Variants in NCALD observed in about 807,000 individuals in gnomAD.
The protein encoded by NCALD is neurocalcin delta, also known as neurocalcin-delta.
A neutral mutation model predicts 18.6 loss-of-function variants in NCALD; 10 were observed. The ratio of observed to expected loss-of-function variants is 0.54; its 90% CI spans 0.33 to 0.91. The LOEUF (loss-of-function observed/expected upper bound fraction) is 0.91, where lower values mean the gene tolerates loss of function less well. Among genes scored for constraint, NCALD ranks in the 40% least tolerant of loss-of-function variants. NCALD has a pLI of 0.03. For missense variants in NCALD, 184 were observed against 247.6 expected (o/e 0.74, Z 1.72); for synonymous variants, 88 against 87.4 (o/e 1.01, Z -0.04).
intron 1 of NCALD, among the ~76,000 whole-genome samples, chr8:101,771,422 A>C (rs548785678): frequency 6.6e-6 from 1 of 152,356 alleles, no homozygotes; most frequent in African/African-American, 2.4e-5. Context: ...TAAAACAGTC[A>C]AGGAAAATAG....
intron 4 of NCALD, among the ~76,000 whole-genome samples, chr8:101,825,004 T>C (rs1813873819): frequency 6.6e-6 from 1 of 152,212 alleles, no homozygotes; most frequent in African/African-American, 2.4e-5. Flanking sequence ...ATAGGCATCA[T>C]TTTGTTTCCC....
chr8:102,073,369 C>T (rs929360706), intron 1 of NCALD, among the ~76,000 whole-genome samples: 3 of 152,062 alleles, frequency 2.0e-5, no homozygotes, highest in African/African-American at 7.2e-5. Context: ...TAAAAGAAAG[C>T]TCACAATAAA....
At chr8:102,117,147 G>C (rs1420771881) in intron 1 of NCALD, among the ~76,000 whole-genome samples, 1 of 152,228 alleles carries the variant, frequency 6.6e-6, no homozygotes, top group Non-Finnish European at 1.5e-5. Flanking sequence ...GGAGCCGTGA[G>C]AGGATAAATA....
intron 1 of NCALD, among the ~76,000 whole-genome samples, chr8:102,052,631 A>G (rs752000086): frequency 1.3e-5 from 2 of 152,250 alleles, no homozygotes; most frequent in Non-Finnish European, 2.9e-5. Flanking sequence ...AAAATGGACA[A>G]AGCTGAATCT....
chr8:101,934,847 A>T (rs1028283066), intron 2 of NCALD, among the ~76,000 whole-genome samples: 2 of 152,146 alleles, frequency 1.3e-5, no homozygotes, highest in African/African-American at 2.4e-5. Context: ...CACTAAAAAG[A>T]AGAGATAAGA....
chr8:101,756,442 C>CTG (rs1360995556), intron 1 of NCALD, among the ~76,000 whole-genome samples: 1 of 152,206 alleles, frequency 6.6e-6, no homozygotes, highest in African/African-American at 2.4e-5. Context: ...GAGTATCAGA[C>CTG]TGTACCTGGC....
At chr8:101,861,386 C>T (rs1324650125) in intron 4 of NCALD, among the ~76,000 whole-genome samples, 2 of 151,946 alleles carry the variant, frequency 1.3e-5, no homozygotes, top group Non-Finnish European at 2.9e-5. Flanking sequence ...GGAGAGACCG[C>T]TGTGGCTCTA....
intron 4 of NCALD, among the ~76,000 whole-genome samples, chr8:101,824,159 C>T (rs1246733325): frequency 6.6e-6 from 1 of 152,196 alleles, no homozygotes; most frequent in Non-Finnish European, 1.5e-5. Context: ...TAACTTCCAT[C>T]CTGGCCCAGT....
chr8:101,949,081 T>C (rs1455748764), intron 2 of NCALD, among the ~76,000 whole-genome samples: 3 of 152,222 alleles, frequency 2.0e-5, no homozygotes, highest in African/African-American at 2.4e-5. Flanking sequence ...AAAAAGTGCA[T>C]AAAAATGAAC....
intron 1 of NCALD, among the ~76,000 whole-genome samples, chr8:102,054,903 T>C (rs778917079): frequency 2.7e-4 from 41 of 152,174 alleles, no homozygotes; most frequent in Non-Finnish European, 4.6e-4. Flanking sequence ...GAACACTGAC[T>C]AATACAAGTC....
rs139095616 is a variant in NCALD at position 101,758,674 on chromosome 8, C to T, written c.-20+32188G>A. ...CTAGGCATGCACCTCTCATACCTCT[C>T]GGACCTGTCTATGGTATTCATTACA... On this transcript the variant is annotated intron_variant, in intron 1 of 3. Coordinates refer to ENST00000220931, the MANE Select transcript of NCALD (RefSeq NM_032041.3). 2.8e-3 allele frequency among the ~76,000 whole-genome samples: 425 copies of T among 152,254 alleles called. 2 individuals carry two copies. Among genetic ancestry groups the T allele is most frequent in the African/African-American group, 8.9e-3 (368 of 41,542 alleles).
chr8:101,752,330 G>C (rs548647578), intron 1 of NCALD, among the ~76,000 whole-genome samples: 3 of 152,254 alleles, frequency 2.0e-5, no homozygotes, highest in South Asian at 2.1e-4. Flanking sequence ...CCTTAAAAAA[G>C]TAAAATATAA....
intron 1 of NCALD, among the ~76,000 whole-genome samples, chr8:102,036,150 T>A (rs1554583494): frequency 8.6e-5 from 13 of 151,104 alleles, no homozygotes; most frequent in South Asian, 2.1e-4. Flanking sequence ...AATAAATTAA[T>A]TAATTAATTA....
chr8:101,850,052 C>T (rs1470037586), intron 4 of NCALD, among the ~76,000 whole-genome samples: 1 of 152,200 alleles, frequency 6.6e-6, no homozygotes, highest in East Asian at 1.9e-4. Flanking sequence ...GGGCTCTGGA[C>T]TGAGCATGTA....
At chr8:101,772,706 G>C (rs919081246) in intron 1 of NCALD, among the ~76,000 whole-genome samples, 15 of 152,126 alleles carry the variant, frequency 9.9e-5, no homozygotes, top group Non-Finnish European at 1.9e-4. Context: ...TTGGTCCAAG[G>C]ACATATCATG....
chr8:101,962,560 T>C (rs1456734812), intron 2 of NCALD, among the ~76,000 whole-genome samples: 1 of 152,178 alleles, frequency 6.6e-6, no homozygotes, highest in Non-Finnish European at 1.5e-5. Flanking sequence ...TCCTTGCTAT[T>C]CAAAGTCCCT....
At chr8:101,727,292 C>T (rs1816613839) in intron 1 of NCALD, among the ~76,000 whole-genome samples, 1 of 152,198 alleles carries the variant, frequency 6.6e-6, no homozygotes, top group Non-Finnish European at 1.5e-5. Context: ...AATCCATTCA[C>T]TTCTTGCCGT....
chr8:101,804,325 T>C (rs1199510977), intron 4 of NCALD, among the ~76,000 whole-genome samples: 1 of 76,954 alleles, frequency 1.3e-5, no homozygotes, highest in Admixed American at 1.2e-4. Context: ...ATATATTATA[T>C]ATAATTATAT....
At chr8:101,978,533 A>G (rs1227611487) in intron 2 of NCALD, among the ~76,000 whole-genome samples, 1 of 152,214 alleles carries the variant, frequency 6.6e-6, no homozygotes, top group Non-Finnish European at 1.5e-5. Flanking sequence ...TAAATGGAAG[A>G]CCTGGGAGGT....
Sources: gnomAD v4.1 joint callset for allele counts (sites outside exome capture counted in the v4.1 genomes callset) on GRCh38, gnomAD v4.1.1 for gene constraint, MANE v1.5 for transcripts, NCBI Gene and HGNC (gene_info 2026-07-23, HGNC 2026-07-21) for gene names.